KITLG: variants seen among roughly 807,000 people sequenced by gnomAD.
KITLG encodes c-Kit ligand.
KITLG carries 13 observed loss-of-function variants against 34.1 expected under a neutral mutation model. That is an observed-to-expected ratio of 0.38 (90% CI 0.25 to 0.61). The LOEUF (loss-of-function observed/expected upper bound fraction) is 0.61, where lower values mean the gene tolerates loss of function less well. Among genes scored for constraint, KITLG ranks in the 20% least tolerant of loss-of-function variants. The probability of loss-of-function intolerance (pLI) is 0.60; values close to 1 mark genes in which losing one functional copy is unlikely to be tolerated. For missense variants in KITLG, 292 were observed against 318.9 expected (o/e 0.92, Z 0.64); for synonymous variants, 110 against 104.0 (o/e 1.06, Z -0.35).
intron 7 of KITLG, among the ~76,000 whole-genome samples, chr12:88,506,673 TAGAC>T (rs1869074404): frequency 6.6e-6 from 1 of 152,186 alleles, no homozygotes; most frequent in South Asian, 2.1e-4. Flanking sequence ...TTTAAAATTT[TAGAC>T]AGGCTTCAAT....
At chr12:88,518,296 C>G (rs1282794895) in intron 4 of KITLG, among the ~76,000 whole-genome samples, 2 of 152,016 alleles carry the variant, frequency 1.3e-5, no homozygotes, top group Non-Finnish European at 2.9e-5. Context: ...AAAATGTATT[C>G]CTTTGCTGTG....
At chr12:88,567,779 T>C (rs1393369428) in intron 1 of KITLG, among the ~76,000 whole-genome samples, 1 of 152,226 alleles carries the variant, frequency 6.6e-6, no homozygotes, top group Non-Finnish European at 1.5e-5. Context: ...CATTAGCTCA[T>C]TTAATCCTCA....
In KITLG at chr12:88,532,511, G is replaced by T; in HGVS notation, c.130-8C>A. The T allele has an allele frequency of 6.4e-7, 1 of 1,568,782 alleles. No individual in the cohort carries two copies. The stretch of plus-strand genomic sequence containing the variant: ...TTTTGGAAGATTTGCCACCTACAGA[G>T]ACAAAAAAAAAAATTCCATAAGAAA... On this transcript the variant is annotated splice_polypyrimidine_tract_variant and splice_region_variant and intron_variant, in intron 2 of 9. Coordinates refer to ENST00000644744, the MANE Select transcript of KITLG (RefSeq NM_000899.5).
intron 1 of KITLG, chr12:88,579,991 T>C (rs1566039862): frequency 1.7e-6 from 1 of 584,030 alleles, no homozygotes; most frequent in South Asian, 2.1e-5. Context: ...AGACGGGAAT[T>C]ACGGTTTCCG....
At chr12:88,506,400 A>G in intron 7 of KITLG, 22 bp from the exon 8 acceptor site, 1 of 1,510,630 alleles carries the variant, frequency 6.6e-7, no homozygotes, top group African/African-American at 1.4e-5. Flanking sequence ...AGAAAGACAT[A>G]TACTGTAAAA....
At chr12:88,568,580 T>G (rs1172684423) in intron 1 of KITLG, among the ~76,000 whole-genome samples, 2 of 152,140 alleles carry the variant, frequency 1.3e-5, no homozygotes, top group Non-Finnish European at 2.9e-5. Context: ...GTAATCATAA[T>G]AGTGGAGCTA....
chr12:88,529,244 G>T (rs1869990484), intron 3 of KITLG, among the ~76,000 whole-genome samples: 1 of 152,172 alleles, frequency 6.6e-6, no homozygotes, highest in Non-Finnish European at 1.5e-5. Flanking sequence ...TCAAGTGAAT[G>T]AAGGTGTGTG....
At chr12:88,506,470 C>A (rs563040585) in intron 7 of KITLG, 92 bp from the exon 8 acceptor site, 187 of 841,764 alleles carry the variant, frequency 2.2e-4, no homozygotes, top group Non-Finnish European at 3.2e-4. Flanking sequence ...TCTTTTATGG[C>A]AATAACTCCA....
intron 5 of KITLG, among the ~76,000 whole-genome samples, chr12:88,515,992 C>T (rs1031963732): frequency 2.0e-5 from 3 of 151,424 alleles, no homozygotes; most frequent in Non-Finnish European, 1.5e-5. Flanking sequence ...AGAGTTAGAT[C>T]CTTAAGAAAA....
chr12:88,550,960 A>G (rs1270977643), intron 1 of KITLG, among the ~76,000 whole-genome samples: 1 of 152,222 alleles, frequency 6.6e-6, no homozygotes, highest in African/African-American at 2.4e-5. Context: ...TCAGGGCAAC[A>G]TAAATTTTTT....
At chr12:88,569,169 A>T (rs976789613) in intron 1 of KITLG, among the ~76,000 whole-genome samples, 1 of 152,192 alleles carries the variant, frequency 6.6e-6, no homozygotes, top group African/African-American at 2.4e-5. Context: ...AGAGCTTGGG[A>T]ATGCGAGCTC....
rs1868650411 is a variant in KITLG, at chr12:88,496,630, C to T, written c.*589G>A. 6.6e-6 allele frequency: 1 copy of T among 152,516 alleles called. No homozygotes were observed. Among genetic ancestry groups the T allele is most frequent in the Non-Finnish European group, 1.5e-5 (1 of 68,068 alleles). The allele number at this position is 152,516 out of a possible 1,614,324, so 9.4% of individuals were successfully genotyped here. A position where few individuals can be genotyped will look rare whatever the true frequency, so the allele number is the denominator to read the frequency against. On this transcript the variant is annotated 3_prime_UTR_variant, in exon 10 of 10. Coordinates refer to ENST00000644744, the MANE Select transcript of KITLG (RefSeq NM_000899.5). Reference sequence around the variant, plus strand: ...ACATCAGGAAGAGATCGAAATCAGACCCATATCACTAATCGGCAACTATAA... The same window carrying T: ...ACATCAGGAAGAGATCGAAATCAGATCCATATCACTAATCGGCAACTATAA...
At chr12:88,557,972 T>C (rs187315373) in intron 1 of KITLG, among the ~76,000 whole-genome samples, 1 of 152,272 alleles carries the variant, frequency 6.6e-6, no homozygotes, top group East Asian at 1.9e-4. Flanking sequence ...TTCAAATACG[T>C]GACTTGCTTC....
chr12:88,532,525 T>A lies in KITLG; in HGVS notation c.130-22A>T, dbSNP rs201969446. The A allele has an allele frequency of 5.1e-4, 752 of 1,462,774 alleles. 2 individuals carry two copies. In the African/African-American group the frequency reaches 7.3e-3, roughly 14 times the overall value. The allele number at this position is 1,462,774 out of a possible 1,614,324, so 90.6% of individuals were successfully genotyped here. A position where few individuals can be genotyped will look rare whatever the true frequency, so the allele number is the denominator to read the frequency against. Reference sequence around the variant, plus strand: ...CCACCTACAGAGACAAAAAAAAAAATTCCATAAGAAAATTCTTATACATCA... The same window carrying A: ...CCACCTACAGAGACAAAAAAAAAAAATCCATAAGAAAATTCTTATACATCA... On this transcript the variant is annotated intron_variant, in intron 2 of 9. Coordinates refer to ENST00000644744, the MANE Select transcript of KITLG (RefSeq NM_000899.5).
intron 9 of KITLG, among the ~76,000 whole-genome samples, chr12:88,501,333 A>G (rs1186777214): frequency 6.6e-6 from 1 of 152,032 alleles, no homozygotes; most frequent in Non-Finnish European, 1.5e-5. Flanking sequence ...CATTCCTTGT[A>G]TTTTTCCCCT....
chr12:88,518,847 G>C lies in KITLG; in HGVS notation c.213C>G (p.Ser71Arg). 6.2e-7 allele frequency: 1 copy of C among 1,613,406 alleles called. No individual in the cohort carries two copies. Among genetic ancestry groups the C allele is most frequent in the Non-Finnish European group, 8.5e-7 (1 of 1,179,718 alleles). ...MDVLPSHCWI[S>R]EMVVQLSDSL... ...TGTCTGACAATTGTACTACCATCTC[G>C]CTTATCCAACAATGACTTGGCTGCA... Residue 71 changes from serine (S) to arginine (R), a missense_variant, in exon 4 of 10, where the codon AGC becomes AGG. Coordinates refer to ENST00000644744, the MANE Select transcript of KITLG (RefSeq NM_000899.5).
At chr12:88,505,723 G>T (rs1869030911) in intron 8 of KITLG, among the ~76,000 whole-genome samples, 1 of 152,140 alleles carries the variant, frequency 6.6e-6, no homozygotes, top group Admixed American at 6.5e-5. Context: ...CTGAAAGCCA[G>T]AGTAAAATAA....
Position 88,506,313 on chromosome 12 carries a change from T to C in KITLG, c.780A>G (p.Ile260Met). 6.2e-7 allele frequency: 1 copy of C among 1,600,536 alleles called. No homozygotes were observed. Among genetic ancestry groups the C allele is most frequent in the Non-Finnish European group, 8.6e-7 (1 of 1,167,712 alleles). ...NIQINEEDNEISMLQEKEREF... is the reference protein window; with the variant it reads ...NIQINEEDNEMSMLQEKEREF... ...ACACATTTAGCAAAACAAAATACCTTATCTCATTATCCTCTTCATTAATTT... is the reference window on the plus strand; with the variant it reads ...ACACATTTAGCAAAACAAAATACCTCATCTCATTATCCTCTTCATTAATTT... Residue 260 changes from isoleucine (I) to methionine (M), a missense_variant and splice_region_variant, in exon 8 of 10, where the codon ATA becomes ATG. Physicochemically the swap from Ile to Met is conservative, Grantham distance 10. Transcript: ENST00000644744.
chr12:88,516,448 T>C lies in KITLG; in HGVS notation c.406A>G (p.Thr136Ala), dbSNP rs372208527. The part of the protein sequence containing the change: ...SFKSPEPRLF[T>A]PEEFFRIFNR... ...AAAATTCTAAAGAATTCTTCAGGAG[T>C]AAAGAGCCTGGGTTCTGGGCTCTTG... The change falls in exon 5 of 10, where the codon ACT becomes GCT. Residue 136 changes from threonine (T) to alanine (A), a missense_variant. Around this residue, in one of 2 missense-constraint regions of KITLG, gnomAD observed 152 missense variants for 207.9 expected, o/e 0.73. Coordinates refer to ENST00000644744, the MANE Select transcript of KITLG (RefSeq NM_000899.5). 1.2e-6 allele frequency: 2 copies of C among 1,607,354 alleles called. No individual in the cohort carries two copies. Among genetic ancestry groups the C allele is most frequent in the South Asian group, 1.1e-5 (1 of 90,368 alleles).
Sources: allele counts gnomAD v4.1 joint callset (sites outside exome capture counted in the v4.1 genomes callset), GRCh38; gene constraint gnomAD v4.1.1; regional missense constraint gnomAD v4.1.1; transcripts MANE v1.5; gene names NCBI Gene and HGNC (gene_info 2026-07-23, HGNC 2026-07-21).